SUCO: variants seen among roughly 807,000 people sequenced by gnomAD.
SUCO encodes the protein SUN domain-containing ossification factor.
SUCO carries 57 observed loss-of-function variants against 148.1 expected under a neutral mutation model. The observed-to-expected ratio is 0.38, with a 90% CI of 0.31 to 0.48. The LOEUF (loss-of-function observed/expected upper bound fraction) is 0.48, where lower values mean the gene tolerates loss of function less well. Ranked by LOEUF, SUCO falls within the 20% of genes least tolerant of loss-of-function variation. The probability of loss-of-function intolerance (pLI) is 0.96; values close to 1 mark genes in which losing one functional copy is unlikely to be tolerated. For missense variants in SUCO, 1,331 were observed against 1,468.2 expected (o/e 0.91, Z 1.53); for synonymous variants, 470 against 502.7 (o/e 0.93, Z 0.87).
chr1:172,563,720 G>C (rs1374631685), intron 6 of SUCO, among the ~76,000 whole-genome samples: 2 of 152,222 alleles, frequency 1.3e-5, no homozygotes, highest in African/African-American at 2.4e-5. Flanking sequence ...ATTCACTGGG[G>C]AGGGATTCAA....
intron 17 of SUCO, among the ~76,000 whole-genome samples, 191 bp downstream of exon 17, chr1:172,586,139 G>C (rs1341473376): frequency 2.6e-5 from 4 of 151,520 alleles, no homozygotes; most frequent in Non-Finnish European, 5.9e-5. Context: ...TGCATACTGG[G>C]AATATAATTC....
chr1:172,610,942 G>A lies in SUCO; in HGVS notation c.*683G>A, dbSNP rs1658175374. On this transcript the variant is annotated 3_prime_UTR_variant, in exon 24 of 24. Transcript: ENST00000263688. ...CTTCTTACTTAGTTACTAACTCAAT[G>A]AGGAAAAATCCCTACAGGATCTTTT... 6.6e-6 allele frequency: 1 copy of A among 152,478 alleles called. No individual in the cohort carries two copies. 9.4% of individuals were successfully genotyped at this position (152,478 alleles called of 1,614,324 possible).
intron 4 of SUCO, chr1:172,556,573 A>G (rs762353882): frequency 1.0e-6 from 1 of 978,072 alleles, no homozygotes. Flanking sequence ...TACATTAAGC[A>G]TTTCCTTTAT....
intron 1 of SUCO, among the ~76,000 whole-genome samples, chr1:172,534,023 T>A (rs1651829014): frequency 6.6e-6 from 1 of 152,180 alleles, no homozygotes; most frequent in Admixed American, 6.5e-5. Flanking sequence ...GGGCCGCTGT[T>A]TTTGGAAACT....
At chr1:172,557,902 T>C in intron 6 of SUCO, 108 bp downstream of exon 6, 2 of 861,216 alleles carry the variant, frequency 2.3e-6, no homozygotes, top group Non-Finnish European at 3.5e-6. Flanking sequence ...ATCAGGGAGA[T>C]TAAGTAGACA....
chr1:172,594,150 T>A (rs535531902), intron 19 of SUCO, among the ~76,000 whole-genome samples: 2 of 152,256 alleles, frequency 1.3e-5, no homozygotes, highest in East Asian at 3.9e-4. Context: ...TTGCATCTAT[T>A]TTTTTCTTCT....
chr1:172,555,494 C>A, intron 3 of SUCO: 1 of 827,818 alleles, frequency 1.2e-6, no homozygotes, highest in Non-Finnish European at 1.5e-6. Context: ...ATTTCCTAAA[C>A]TGCTCAGGGT....
chr1:172,586,061 C>G (rs933810224), intron 17 of SUCO, 113 bp downstream of exon 17: 2 of 623,938 alleles, frequency 3.2e-6, no homozygotes, highest in Non-Finnish European at 5.3e-6. Context: ...GTAGAGAGCT[C>G]TGAATCATAG....
At chr1:172,532,908 T>C, upstream of SUCO, 1 of 1,410,624 alleles carries the variant, frequency 7.1e-7, no homozygotes, top group Non-Finnish European at 9.4e-7. Context: ...CGAGAGCATC[T>C]GCTCCTGCGC....
At position 172,585,938 on chromosome 1, in the gene SUCO, C is replaced by T; in HGVS notation, c.1648C>T (p.Pro550Ser). The stretch of plus-strand genomic sequence containing the variant: ...ATCAACTCCTGTTTCAACTCCTGTT[C>T]CATCTCCTGAGTAAGTTATAATGTG... ...PESTPVSTPV[P>S]SPEYVTTEVH... The change falls in exon 17 of 24, where the codon CCA becomes TCA. Residue 550 changes from proline (P) to serine (S), a missense_variant. By Grantham distance (74) the Pro-to-Ser change is moderately conservative. Around this residue, in one of 3 missense-constraint regions of SUCO, gnomAD observed 992 missense variants for 1,093.5 expected, o/e 0.91. Transcript: ENST00000263688. 1 of 1,602,766 alleles carries T rather than the reference C, an allele frequency of 6.2e-7. No homozygotes were observed. The highest frequency in any genetic ancestry group is 8.5e-7 in the Non-Finnish European group (1 of 1,171,938).
intron 1 of SUCO, among the ~76,000 whole-genome samples, chr1:172,539,127 A>C (rs1652248615): frequency 6.6e-6 from 1 of 152,172 alleles, no homozygotes; most frequent in Non-Finnish European, 1.5e-5. Flanking sequence ...TTTTCTCAAC[A>C]GTCTGAATGG....
rs377608047 is a variant in SUCO, at chr1:172,557,715, A to G, written c.653A>G (p.Glu218Gly). Residue 218 changes from glutamate to glycine, a missense_variant, in exon 6 of 24, where the codon GAA becomes GGA. Coordinates refer to ENST00000263688, the MANE Select transcript of SUCO (RefSeq NM_014283.5). ...GKGKITKSEF[E>G]SKVSASEQGG... ...GGAAAGATAACAAAATCAGAATTTG[A>G]ATCAAAAGTTTCAGCAAGTGAACAG... The G allele has an allele frequency of 5.8e-5, 93 of 1,613,222 alleles. No homozygotes were observed. Among genetic ancestry groups the G allele is most frequent in the Non-Finnish European group, 7.8e-5 (92 of 1,179,696 alleles).
chr1:172,542,382 CA>C (rs1299795957), intron 1 of SUCO, among the ~76,000 whole-genome samples: 10 of 149,586 alleles, frequency 6.7e-5, no homozygotes, highest in Non-Finnish European at 1.3e-4. Flanking sequence ...AACTCCGTCT[CA>C]AAAAAAAAGA....
chr1:172,552,735 A>G, intron 2 of SUCO: 1 of 642,308 alleles, frequency 1.6e-6, no homozygotes. Flanking sequence ...CATTTTGCAA[A>G]CAAATGTCAT....
chr1:172,598,164 A>G (rs769786168), intron 19 of SUCO, among the ~76,000 whole-genome samples: 24 of 152,196 alleles, frequency 1.6e-4, no homozygotes, highest in Admixed American at 6.5e-4. Context: ...AGAGCAAAGC[A>G]TATAGACATC....
At chr1:172,557,231 C>T in intron 4 of SUCO, 49 bp from the exon 5 acceptor site, 1 of 1,589,168 alleles carries the variant, frequency 6.3e-7, no homozygotes. Context: ...ATGTATATTA[C>T]CTCAAGTTTA....
chr1:172,604,297 A>G (rs1657718525), intron 22 of SUCO, among the ~76,000 whole-genome samples: 1 of 151,890 alleles, frequency 6.6e-6, no homozygotes, highest in Admixed American at 6.6e-5. Flanking sequence ...ATTTTAAACA[A>G]CAGTGTCATC....
intron 17 of SUCO, chr1:172,588,294 T>C (rs80318242): frequency 0.012 from 11,705 of 985,332 alleles, 75 homozygotes; most frequent in Non-Finnish European, 0.013. Context: ...AGTGCACTCA[T>C]AAATATTAAG....
At chr1:172,601,436 T>C (rs745664868) in intron 20 of SUCO, among the ~76,000 whole-genome samples, 3 of 150,676 alleles carry the variant, frequency 2.0e-5, no homozygotes, top group Non-Finnish European at 4.4e-5. Context: ...GAGGTGGAGG[T>C]TGCAATAAGC....
Sources: gnomAD v4.1 joint callset for allele counts (sites outside exome capture counted in the v4.1 genomes callset) on GRCh38, gnomAD v4.1.1 for gene constraint, gnomAD v4.1.1 regional missense constraint, MANE v1.5 for transcripts, NCBI Gene and HGNC (gene_info 2026-07-23, HGNC 2026-07-21) for gene names.